Variants in NAPEPLD observed in about 807,000 individuals in gnomAD.
The protein encoded by NAPEPLD is N-acyl-phosphatidylethanolamine-hydrolyzing phospholipase D.
In NAPEPLD, 23 loss-of-function variants were observed where a neutral mutation model predicts 38.1. The observed-to-expected ratio is 0.60, with a 90% CI of 0.43 to 0.86. The LOEUF is 0.86. Among genes scored for constraint, NAPEPLD ranks in the 40% least tolerant of loss-of-function variants. The pLI, the probability that NAPEPLD is intolerant of heterozygous loss-of-function variation, is 0.00. For synonymous variants in NAPEPLD, 147 were observed against 162.0 expected (o/e 0.91, Z 0.71); for missense variants, 411 against 476.8 (o/e 0.86, Z 1.28).
chr7:103,146,418 T>C (rs1347473174), intron 1 of NAPEPLD, among the ~76,000 whole-genome samples: 1 of 152,068 alleles, frequency 6.6e-6, no homozygotes, highest in Non-Finnish European at 1.5e-5. Flanking sequence ...TCTCTATTCA[T>C]TCTTGTAATT....
intron 2 of NAPEPLD, among the ~76,000 whole-genome samples, chr7:103,121,851 G>A (rs1417103009): frequency 6.6e-6 from 1 of 152,088 alleles, no homozygotes; most frequent in Non-Finnish European, 1.5e-5. Context: ...CTGATAAGAA[G>A]GAATGAAGAG....
intron 4 of NAPEPLD, among the ~76,000 whole-genome samples, chr7:103,106,727 C>CCAA (rs546459387): frequency 1.7e-4 from 10 of 57,644 alleles, no homozygotes; most frequent in East Asian, 3.6e-4. Context: ...CAGGGCATCT[C>CCAA]TAAAAAAAAA....
chr7:103,142,189 C>CTACCGTATA (rs1237327820), intron 1 of NAPEPLD, among the ~76,000 whole-genome samples: 1 of 152,216 alleles, frequency 6.6e-6, no homozygotes, highest in Non-Finnish European at 1.5e-5. Context: ...TTATGCTAGC[C>CTACCGTATA]TGGCAGCTGC....
intron 4 of NAPEPLD, among the ~76,000 whole-genome samples, chr7:103,109,279 G>A (rs564734938): frequency 2.0e-5 from 3 of 152,224 alleles, no homozygotes; most frequent in South Asian, 4.2e-4. Context: ...CAAATCAACA[G>A]AATATACATT....
Position 103,139,122 on chromosome 7 carries a change from G to A in NAPEPLD, c.-17+9689C>T, listed in dbSNP as rs995586378. ...ATCAGGTAGGCTAGGAGGTTATTAA[G>A]AGCCAGGACATATAAATCTGATACA... is the stretch of plus-strand genomic sequence containing the variant. On this transcript the variant is annotated intron_variant, in intron 1 of 4. Transcript: ENST00000465647. Among the ~76,000 whole-genome samples the A allele has an allele frequency of 3.4e-4, 51 of 152,212 alleles. 2 individuals carry two copies. The highest frequency in any genetic ancestry group is 1.5e-5 in the Non-Finnish European group (1 of 68,046).
intron 1 of NAPEPLD, among the ~76,000 whole-genome samples, chr7:103,133,176 C>G (rs1484944279): frequency 6.6e-6 from 1 of 152,222 alleles, no homozygotes; most frequent in African/African-American, 2.4e-5. Flanking sequence ...CTCCTCTGCT[C>G]CATAAACACG....
intron 1 of NAPEPLD, among the ~76,000 whole-genome samples, chr7:103,135,786 G>T (rs1809920067): frequency 6.6e-6 from 1 of 152,034 alleles, no homozygotes; most frequent in South Asian, 2.1e-4. Context: ...CTTCACTAGA[G>T]TGGAAAGAAC....
intron 1 of NAPEPLD, chr7:103,142,019 G>T: frequency 1.6e-6 from 1 of 624,788 alleles, no homozygotes; most frequent in Admixed American, 2.8e-5. Flanking sequence ...GAATCAAAAT[G>T]TCAGGTGGGG....
chr7:103,104,700 G>A (rs1467894017), intron 4 of NAPEPLD, among the ~76,000 whole-genome samples: 1 of 152,092 alleles, frequency 6.6e-6, no homozygotes, highest in African/African-American at 2.4e-5. Context: ...GTTGATAACA[G>A]GAATTTACTT....
intron 1 of NAPEPLD, among the ~76,000 whole-genome samples, chr7:103,136,022 A>G (rs924860684): frequency 6.6e-6 from 1 of 152,112 alleles, no homozygotes; most frequent in African/African-American, 2.4e-5. Flanking sequence ...GTGGTGCCTC[A>G]TGCCTGTAAT....
rs1802605634 is a variant in NAPEPLD, at chr7:103,102,920, CAAGAATT to C, written c.*502_*508del. 6.6e-6 allele frequency: 1 copy of C among 152,522 alleles called. No homozygotes were observed. The highest frequency in any genetic ancestry group is 1.5e-5 in the Non-Finnish European group (1 of 68,036). 9.4% of individuals were successfully genotyped at this position (152,522 alleles called of 1,614,324 possible). ...TGGCATATAAGCTAATTTGATAGAG[CAAGAATT>C]GCTATGTTTATAATAAGCATGTTGG... On this transcript the variant is annotated 3_prime_UTR_variant, in exon 5 of 5. Coordinates refer to ENST00000465647, the MANE Select transcript of NAPEPLD (RefSeq NM_001122838.3).
chr7:103,148,697 A>T (rs1192137097), intron 1 of NAPEPLD, 114 bp downstream of exon 1: 1 of 585,322 alleles, frequency 1.7e-6, no homozygotes, highest in Non-Finnish European at 2.1e-6. Flanking sequence ...AAGGGGAGAA[A>T]CCTGTTGGAA....
At chr7:103,126,233 G>A (rs1413360407) in intron 2 of NAPEPLD, among the ~76,000 whole-genome samples, 2 of 152,132 alleles carry the variant, frequency 1.3e-5, no homozygotes, top group Non-Finnish European at 2.9e-5. Flanking sequence ...AGGTCTGCCT[G>A]CACTTCTCCA....
intron 1 of NAPEPLD, among the ~76,000 whole-genome samples, chr7:103,136,576 ACT>A (rs1372605815): frequency 1.7e-5 from 2 of 118,652 alleles, no homozygotes; most frequent in African/African-American, 6.0e-5. Context: ...ACAGAGCAAG[ACT>A]CTGTCTCACA....
chr7:103,149,847 A>G (rs545669562), upstream of NAPEPLD, among the ~76,000 whole-genome samples: 15 of 152,338 alleles, frequency 9.8e-5, no homozygotes, highest in African/African-American at 3.6e-4. Context: ...ACTCAATCAC[A>G]GTCGAGAAGC....
At chr7:103,116,438 C>A (rs1317321141) in intron 3 of NAPEPLD, among the ~76,000 whole-genome samples, 1 of 152,138 alleles carries the variant, frequency 6.6e-6, no homozygotes, top group South Asian at 2.1e-4. Context: ...AGATATTTTA[C>A]AGTCCTGGAT....
intron 3 of NAPEPLD, among the ~76,000 whole-genome samples, chr7:103,118,955 C>T (rs548049359): frequency 1.3e-5 from 2 of 152,292 alleles, no homozygotes; most frequent in South Asian, 4.1e-4. Context: ...AAACCCTCAC[C>T]AGGGACTAAT....
intron 2 of NAPEPLD, among the ~76,000 whole-genome samples, chr7:103,124,976 C>A (rs1459245571): frequency 6.6e-6 from 1 of 152,118 alleles, no homozygotes; most frequent in East Asian, 1.9e-4. Context: ...TCTTAACATA[C>A]TTACAATTTT....
Position 103,100,006 on chromosome 7 carries a change from A to C in NAPEPLD, c.*3423T>G, listed in dbSNP as rs958187144. The stretch of plus-strand genomic sequence containing the variant: ...GTATTTAAGGCAAAGCTTTAAGAAT[A>C]CTTTAAATTTCATTTGTAAATACAT... On this transcript the variant is annotated 3_prime_UTR_variant, in exon 5 of 5. Transcript: ENST00000465647. The C allele has an allele frequency of 7.2e-5, 11 of 152,374 alleles. No homozygotes were observed. Among genetic ancestry groups the C allele is most frequent in the African/African-American group, 2.4e-4 (10 of 41,592 alleles). 9.4% of individuals were successfully genotyped at this position (152,374 alleles called of 1,614,324 possible).
Sources: gnomAD v4.1 joint callset for allele counts (sites outside exome capture counted in the v4.1 genomes callset) on GRCh38, gnomAD v4.1.1 for gene constraint, MANE v1.5 for transcripts, NCBI Gene and HGNC (gene_info 2026-07-23, HGNC 2026-07-21) for gene names.